Variants in TNRC18 observed in about 807,000 individuals in gnomAD.
TNRC18 encodes trinucleotide repeat-containing gene 18 protein.
In TNRC18, 69 loss-of-function variants were observed where a neutral mutation model predicts 226.7. The observed-to-expected ratio is 0.30, with a 90% CI of 0.25 to 0.37. The LOEUF is 0.37. Among genes scored for constraint, TNRC18 ranks in the 10% least tolerant of loss-of-function variants. The pLI, the probability that TNRC18 is intolerant of heterozygous loss-of-function variation, is 1.00. For missense variants in TNRC18, 4,754 were observed against 4,256.6 expected (o/e 1.12, Z -3.25); for synonymous variants, 2,449 against 1,927.6 (o/e 1.27, Z -7.09).
chr7:5,367,140 G>A (rs569968327), intron 11 of TNRC18, among the ~76,000 whole-genome samples: 15 of 152,158 alleles, frequency 9.9e-5, no homozygotes, highest in South Asian at 2.1e-4. Flanking sequence ...TGAGGCGGGC[G>A]GATCACTTGA....
intron 5 of TNRC18, among the ~76,000 whole-genome samples, chr7:5,381,421 C>T (rs2128185718): frequency 6.6e-6 from 1 of 152,276 alleles, no homozygotes; most frequent in East Asian, 1.9e-4. Context: ...ATTCCCACCA[C>T]CTGGACCTCC....
At chr7:5,404,094 C>T (rs574003032) in intron 2 of TNRC18, among the ~76,000 whole-genome samples, 2 of 152,252 alleles carry the variant, frequency 1.3e-5, no homozygotes, top group East Asian at 3.9e-4. Flanking sequence ...CAGGCAGGGC[C>T]GGGGGCGGTG....
At chr7:5,311,264 C>A (rs935731975) in intron 27 of TNRC18, among the ~76,000 whole-genome samples, 1 of 152,212 alleles carries the variant, frequency 6.6e-6, no homozygotes, top group Non-Finnish European at 1.5e-5. Context: ...TGTGTGTAGA[C>A]AGCCACAGGC....
chr7:5,362,542 C>G (rs1489902319), intron 12 of TNRC18, 108 bp downstream of exon 12: 1 of 1,112,528 alleles, frequency 9.0e-7, no homozygotes, highest in Non-Finnish European at 1.2e-6. Context: ...GCTCAGGCCT[C>G]TCTGGCGCCA....
intron 17 of TNRC18, among the ~76,000 whole-genome samples, chr7:5,351,221 C>G (rs775516263): frequency 1.3e-5 from 2 of 150,476 alleles, no homozygotes; most frequent in African/African-American, 2.5e-5. Flanking sequence ...GGGGGAGAAA[C>G]AAAATGAGAG....
rs765893766 is a variant in TNRC18, at chr7:5,362,882, C to A, written c.4220-57G>T. On this transcript the variant is annotated intron_variant, in intron 11 of 29. Transcript: ENST00000430969. ...CTGCCACCCCTTCCCCAACCCCAAA[C>A]GGGGATGCCGAGGCCCAAAGCAAGC... 7.6e-5 allele frequency: 109 copies of A among 1,434,412 alleles called. No individual in the cohort carries two copies. In the African/African-American group the frequency reaches 1.1e-3, roughly 15 times the overall value. The allele number at this position is 1,434,412 out of a possible 1,614,324, so 88.9% of individuals were successfully genotyped here. A position where few individuals can be genotyped will look rare whatever the true frequency, so the allele number is the denominator to read the frequency against.
chr7:5,392,851 C>T (rs189572089), intron 3 of TNRC18, among the ~76,000 whole-genome samples: 13 of 152,016 alleles, frequency 8.6e-5, no homozygotes, highest in African/African-American at 2.7e-4. Flanking sequence ...CCACCAAAAA[C>T]GAATACAGTA....
intron 16 of TNRC18, among the ~76,000 whole-genome samples, chr7:5,353,612 C>T (rs6961389): frequency 1.1e-4 from 17 of 151,074 alleles, no homozygotes; most frequent in African/African-American, 3.4e-4. Flanking sequence ...CCCCTACAAT[C>T]GAAACTGAAA....
chr7:5,349,752 G>GT (rs1203889400), intron 17 of TNRC18, among the ~76,000 whole-genome samples: 1 of 152,224 alleles, frequency 6.6e-6, no homozygotes, highest in Non-Finnish European at 1.5e-5. Flanking sequence ...GGGGTCAAGG[G>GT]TGGAGGGATG....
chr7:5,387,060 G>T (rs980889546), intron 5 of TNRC18, among the ~76,000 whole-genome samples: 1 of 152,156 alleles, frequency 6.6e-6, no homozygotes, highest in African/African-American at 2.4e-5. Context: ...GGCAACAAGA[G>T]TGAAACTCCG....
chr7:5,328,970 A>G (rs1410004239), intron 19 of TNRC18, among the ~76,000 whole-genome samples: 1 of 152,188 alleles, frequency 6.6e-6, no homozygotes, highest in Non-Finnish European at 1.5e-5. Context: ...ACTGGGAAAC[A>G]GAGCAAGACT....
At position 5,324,254 on chromosome 7, in the gene TNRC18, G is replaced by C. The variant is rs771099201; in HGVS notation, c.6402C>G (p.His2134Gln). Residue 2134 changes from histidine (H) to glutamine (Q), a missense_variant, in exon 21 of 30, where the codon CAC becomes CAG. Physicochemically the swap from His to Gln is conservative, Grantham distance 24 (BLOSUM62 0). Transcript: ENST00000430969. The surrounding 1 kb of genome is among the most constrained non-coding windows in gnomAD (Gnocchi z 4.8). Reference sequence around the variant, plus strand: ...GCTCCACAGCCCCGCCACGCGGCAGGTGCTCGTCCTCAGAGAAGCTCGAGT... The same window carrying C: ...GCTCCACAGCCCCGCCACGCGGCAGCTGCTCGTCCTCAGAGAAGCTCGAGT... ...NQDSSFSEDE[H>Q]LPRGGAVERP... The C allele has an allele frequency of 1.3e-5, 21 of 1,612,072 alleles. No homozygotes were observed. The highest frequency in any genetic ancestry group is 1.7e-5 in the Non-Finnish European group (20 of 1,179,496).
chr7:5,324,019 C>T lies in TNRC18; in HGVS notation c.6442+195G>A, dbSNP rs1788642114. On this transcript the variant is annotated intron_variant, in intron 21 of 29. Coordinates refer to ENST00000430969, the MANE Select transcript of TNRC18 (RefSeq NM_001080495.3). This position sits in a 1 kb window ranked among gnomAD's most constrained non-coding sequence, Gnocchi z 4.8. ...TGGTCCCAGGGCCGCTCTCTTGCCT[C>T]ATCTGCAGTTGACTAAGCTGCAGCC... 1.3e-5 allele frequency among the ~76,000 whole-genome samples: 2 copies of T among 152,232 alleles called. No homozygotes were observed. Among genetic ancestry groups the T allele is most frequent in the Non-Finnish European group, 2.9e-5 (2 of 68,036 alleles).
At position 5,345,583 on chromosome 7, in the gene TNRC18, C is replaced by T; in HGVS notation, c.5698G>A (p.Glu1900Lys). ...LEAKQKARKK[E>K]ERQSLLGTEF... Reference sequence around the variant, plus strand: ...TTACCCAGCAGGCTCTGCCGCTCCTCTTTCTTCCGGGCCTTCTGCTTGGCC... The same window carrying T: ...TTACCCAGCAGGCTCTGCCGCTCCTTTTTCTTCCGGGCCTTCTGCTTGGCC... The change falls in exon 18 of 30, where the codon GAG (glutamate) becomes AAG (lysine). Residue 1900 changes from glutamate to lysine, a missense_variant. Glu to Lys is a moderately conservative substitution (Grantham distance 56, BLOSUM62 1). Coordinates refer to ENST00000430969, the MANE Select transcript of TNRC18 (RefSeq NM_001080495.3). 2 of 1,539,548 alleles carry T rather than the reference C, an allele frequency of 1.3e-6. No individual in the cohort carries two copies. Among genetic ancestry groups the T allele is most frequent in the Non-Finnish European group, 1.8e-6 (2 of 1,140,496 alleles).
At position 5,421,376 on chromosome 7, in the gene TNRC18, G is replaced by C; in HGVS notation, c.-130C>G. ...GGGGCTCCGCGGCGTGCATGGCGGC[G>C]GCCAGCGGGGCTTGCGCTCGGCGGC... On this transcript the variant is annotated 5_prime_UTR_variant, in exon 2 of 30. Coordinates refer to ENST00000430969, the MANE Select transcript of TNRC18 (RefSeq NM_001080495.3). 1 of 897,140 alleles carries C rather than the reference G, an allele frequency of 1.1e-6. No individual in the cohort carries two copies. Among genetic ancestry groups the C allele is most frequent in the Non-Finnish European group, 1.4e-6 (1 of 700,782 alleles). 55.6% of individuals were successfully genotyped at this position (897,140 alleles called of 1,614,324 possible). A position where few individuals can be genotyped will look rare whatever the true frequency, so the allele number is the denominator to read the frequency against.
rs776544002 is a variant in TNRC18 at position 5,309,404 on chromosome 7, C to A, written c.8389-36G>T. 2 of 1,562,392 alleles carry A rather than the reference C, an allele frequency of 1.3e-6. No individual in the cohort carries two copies. The highest frequency in any genetic ancestry group is 1.7e-6 in the Non-Finnish European group (2 of 1,152,146). On this transcript the variant is annotated intron_variant, in intron 27 of 29. Transcript: ENST00000430969. This position sits in a 1 kb window ranked among gnomAD's most constrained non-coding sequence, Gnocchi z 5.7. ...ACGTGTGTCACGGCACAGGCCCTGGCCCAGCCCCAAGGAGCCCGCCGCCTG... is the reference window on the plus strand; with the variant it reads ...ACGTGTGTCACGGCACAGGCCCTGGACCAGCCCCAAGGAGCCCGCCGCCTG...
intron 17 of TNRC18, among the ~76,000 whole-genome samples, chr7:5,349,910 G>T (rs1474863841): frequency 6.6e-6 from 1 of 152,150 alleles, no homozygotes; most frequent in Non-Finnish European, 1.5e-5. Context: ...GCACTGAGGA[G>T]CCTGGGCCTC....
At chr7:5,315,858 A>C in intron 25 of TNRC18, 98 bp downstream of exon 25, 2 of 891,358 alleles carry the variant, frequency 2.2e-6, no homozygotes. Flanking sequence ...CTGTGGCTCC[A>C]AATGACTTCA....
intron 1 of TNRC18, chr7:5,423,174 G>T (rs371726523): frequency 6.6e-6 from 1 of 152,254 alleles, no homozygotes; most frequent in Non-Finnish European, 1.5e-5. Flanking sequence ...AACCGAGAGA[G>T]GAACCGCCGC....
Sources: gnomAD v4.1 joint callset for allele counts (sites outside exome capture counted in the v4.1 genomes callset) on GRCh38, gnomAD v4.1.1 for gene constraint, Gnocchi (gnomAD v3.1) non-coding constraint, MANE v1.5 for transcripts, NCBI Gene and HGNC (gene_info 2026-07-23, HGNC 2026-07-21) for gene names.